NSUN6: variants seen among roughly 807,000 people sequenced by gnomAD.
NSUN6 encodes the protein NOP2/Sun RNA methyltransferase 6.
A neutral mutation model predicts 58.0 loss-of-function variants in NSUN6; 64 were observed. That is an observed-to-expected ratio of 1.10 (90% confidence interval 0.90 to 1.36). The LOEUF is 1.36. Ranked by LOEUF, NSUN6 falls within the 40% of genes most tolerant of loss-of-function variation. The pLI is 0.00. For synonymous variants in NSUN6, 231 were observed against 193.9 expected (o/e 1.19, Z -1.59); for missense variants, 701 against 550.1 (o/e 1.27, Z -2.74).
chr10:18,631,928 A>T (rs1234209968), intron 3 of NSUN6, among the ~76,000 whole-genome samples: 1 of 152,224 alleles, frequency 6.6e-6, no homozygotes, highest in Non-Finnish European at 1.5e-5. Context: ...TGGAACCAAA[A>T]GAGAGCCCAC....
intron 3 of NSUN6, among the ~76,000 whole-genome samples, chr10:18,638,011 C>G (rs1564837315): frequency 6.6e-6 from 1 of 152,082 alleles, no homozygotes; most frequent in Admixed American, 6.6e-5. Flanking sequence ...GGACAGGAGA[C>G]GTAACAGATG....
intron 8 of NSUN6, among the ~76,000 whole-genome samples, chr10:18,583,577 G>A (rs558108198): frequency 6.6e-6 from 1 of 152,046 alleles, no homozygotes; most frequent in Non-Finnish European, 1.5e-5. Context: ...AAACTTTAAA[G>A]CAGCCAATAA....
At chr10:18,594,379 C>T (rs539710961) in intron 7 of NSUN6, among the ~76,000 whole-genome samples, 3 of 152,100 alleles carry the variant, frequency 2.0e-5, no homozygotes, top group South Asian at 4.1e-4. Context: ...ACAATGCAGA[C>T]AATTTGTAAA....
chr10:18,616,156 T>TA, intron 4 of NSUN6, 28 bp downstream of exon 4: 1 of 1,241,934 alleles, frequency 8.1e-7, no homozygotes, highest in Admixed American at 1.8e-5. Context: ...TAGAGAACCT[T>TA]AAAGACAAAT....
At chr10:18,584,151 G>C (rs111432958) in intron 8 of NSUN6, among the ~76,000 whole-genome samples, 1 of 152,136 alleles carries the variant, frequency 6.6e-6, no homozygotes, top group Non-Finnish European at 1.5e-5. Flanking sequence ...GGAGTAGGGG[G>C]CACTTTCATC....
intron 8 of NSUN6, among the ~76,000 whole-genome samples, chr10:18,552,844 A>G (rs2054695061): frequency 6.6e-6 from 1 of 150,664 alleles, no homozygotes; most frequent in Admixed American, 6.6e-5. Flanking sequence ...ATTCCATTCT[A>G]CACTACACTG....
chr10:18,635,612 G>A (rs2059186453), intron 3 of NSUN6, among the ~76,000 whole-genome samples: 1 of 152,038 alleles, frequency 6.6e-6, no homozygotes, highest in East Asian at 1.9e-4. Flanking sequence ...CAAGGTGGGT[G>A]GATCACCTGA....
Position 18,613,125 on chromosome 10 carries a change from G to C in NSUN6, c.575+1335C>G, listed in dbSNP as rs1291723772. Among the ~76,000 whole-genome samples, 3 of 151,396 alleles carry C rather than the reference G, an allele frequency of 2.0e-5. No individual in the cohort carries two copies. The East Asian group carries it at 5.8e-4, about 29-fold the overall frequency. Reference sequence around the variant, plus strand: ...TTTTTTTTTCTTTTTTTGAAATTCTGAAGTCTCACTGTGTCACCCAGGCTG... The same window carrying C: ...TTTTTTTTTCTTTTTTTGAAATTCTCAAGTCTCACTGTGTCACCCAGGCTG... On this transcript the variant is annotated intron_variant, in intron 5 of 10. Transcript: ENST00000377304.
intron 8 of NSUN6, among the ~76,000 whole-genome samples, chr10:18,558,685 G>A (rs556720967): frequency 1.3e-5 from 2 of 148,798 alleles, no homozygotes; most frequent in Admixed American, 6.8e-5. Context: ...GAAAAGAATG[G>A]AATGGAATGG....
intron 8 of NSUN6, among the ~76,000 whole-genome samples, chr10:18,554,177 G>T (rs2054813019): frequency 6.6e-6 from 1 of 150,964 alleles, no homozygotes; most frequent in Non-Finnish European, 1.5e-5. Context: ...ATGGAATCAA[G>T]AATGGAATGG....
At chr10:18,598,364 G>A (rs2057678297) in intron 6 of NSUN6, among the ~76,000 whole-genome samples, 1 of 152,216 alleles carries the variant, frequency 6.6e-6, no homozygotes, top group Non-Finnish European at 1.5e-5. Flanking sequence ...AGCCTGTTTG[G>A]TGGTCTCTTC....
At chr10:18,626,331 G>T (rs1855345660) in intron 3 of NSUN6, among the ~76,000 whole-genome samples, 1 of 151,738 alleles carries the variant, frequency 6.6e-6, no homozygotes, top group Non-Finnish European at 1.5e-5. Context: ...CTTGAGCTCA[G>T]GAGCTCGAGA....
At chr10:18,645,324 C>G (rs915676588) in intron 2 of NSUN6, among the ~76,000 whole-genome samples, 1 of 151,998 alleles carries the variant, frequency 6.6e-6, no homozygotes, top group Non-Finnish European at 1.5e-5. Context: ...GTTTCCTGCA[C>G]AAAATTATAT....
At chr10:18,656,927 A>T (rs185876199), upstream of NSUN6, among the ~76,000 whole-genome samples, 2 of 149,844 alleles carry the variant, frequency 1.3e-5, no homozygotes, top group African/African-American at 4.9e-5. Context: ...CCTTGGCTCA[A>T]ATGAGCCTCT....
At chr10:18,586,956 G>A (rs1018733019) in intron 7 of NSUN6, among the ~76,000 whole-genome samples, 8 of 152,116 alleles carry the variant, frequency 5.3e-5, no homozygotes, top group Admixed American at 2.0e-4. Context: ...CCTCTAGCTC[G>A]ACAGAAAGGT....
At chr10:18,575,846 G>A (rs2056620657) in intron 8 of NSUN6, among the ~76,000 whole-genome samples, 1 of 152,204 alleles carries the variant, frequency 6.6e-6, no homozygotes, top group East Asian at 1.9e-4. Context: ...TATATACTTG[G>A]TCTATTTTCT....
intron 2 of NSUN6, among the ~76,000 whole-genome samples, chr10:18,644,068 A>G (rs536952180): frequency 1.3e-5 from 2 of 152,326 alleles, no homozygotes; most frequent in South Asian, 4.1e-4. Flanking sequence ...TAAACGTACA[A>G]TTCAATGATT....
At chr10:18,580,644 C>G (rs546579565) in intron 8 of NSUN6, among the ~76,000 whole-genome samples, 1 of 152,278 alleles carries the variant, frequency 6.6e-6, no homozygotes, top group Non-Finnish European at 1.5e-5. Flanking sequence ...GAGAGGCAAG[C>G]CAAAAGACCA....
Position 18,614,469 on chromosome 10 carries a change from G to C in NSUN6, c.566C>G (p.Pro189Arg). Residue 189 changes from proline (P) to arginine (R), a missense_variant, in exon 5 of 11, where the codon CCT (proline) becomes CGT (arginine). Transcript: ENST00000377304. ...GCACCTGATGACATACTTCAGTTCA[G>C]GTAATCCACTGAAGATTTCTTTGCG... ...LSRKEIFSGL[P>R]ELKGMGIRMT... 6.5e-7 allele frequency: 1 copy of C among 1,534,742 alleles called. No individual in the cohort carries two copies. Among genetic ancestry groups the C allele is most frequent in the Non-Finnish European group, 8.7e-7 (1 of 1,143,830 alleles).
Sources: gnomAD v4.1 joint callset for allele counts (sites outside exome capture counted in the v4.1 genomes callset) on GRCh38, gnomAD v4.1.1 for gene constraint, MANE v1.5 for transcripts, NCBI Gene and HGNC (gene_info 2026-07-23, HGNC 2026-07-21) for gene names.